The following BTG4 variants were observed in gnomAD, a reference collection of about 807,000 sequenced individuals.
BTG4 encodes protein BTG4.
In BTG4, 10 loss-of-function variants were observed where a neutral mutation model predicts 19.3. That is an observed-to-expected ratio of 0.52 (90% confidence interval 0.32 to 0.88). The LOEUF (loss-of-function observed/expected upper bound fraction) is 0.88, where lower values mean the gene tolerates loss of function less well. BTG4 is among the 40% of genes least tolerant of loss of function. BTG4 has a pLI of 0.04. For synonymous variants in BTG4, 91 were observed against 95.7 expected, an observed-to-expected ratio of 0.95 and a Z score of 0.29; for missense variants, 238 against 281.9, an observed-to-expected ratio of 0.84 and a Z score of 1.11.
downstream of BTG4, among the ~76,000 whole-genome samples, chr11:111,494,545 C>T (rs974194881): frequency 1.3e-5 from 2 of 152,170 alleles, no homozygotes; most frequent in Non-Finnish European, 2.9e-5. Context: ...GCAGCCAAAA[C>T]AATTCTCACT....
chr11:111,442,546 C>CACACATA, the BTG4 span, among the ~76,000 whole-genome samples: 1 of 141,590 alleles, frequency 7.1e-6, no homozygotes, highest in African/African-American at 2.7e-5. Flanking sequence ...ACACACACAC[C>CACACATA]AGATGAGCCT....
At chr11:111,425,399 A>G in the BTG4 span, among the ~76,000 whole-genome samples, 140,031 of 152,064 alleles carry the variant, frequency 0.92, 64,820 homozygotes, top group East Asian at 1. Flanking sequence ...CCAAGGATAC[A>G]GTCGAAAAAG....
chr11:111,395,504 C>T, the BTG4 span, among the ~76,000 whole-genome samples: 91 of 152,336 alleles, frequency 6.0e-4, no homozygotes, highest in African/African-American at 2.1e-3. Flanking sequence ...GAGTCAGGGA[C>T]CTCCCCTATT....
At chr11:111,471,325 C>T (rs966049565) in intron 5 of BTG4, among the ~76,000 whole-genome samples, 1 of 152,198 alleles carries the variant, frequency 6.6e-6, no homozygotes, top group African/African-American at 2.4e-5. Context: ...CTATTAGTTA[C>T]TAAGGCAGAT....
At chr11:111,404,709 T>A in the BTG4 span, 1 of 455,706 alleles carries the variant, frequency 2.2e-6, no homozygotes, top group South Asian at 1.6e-5. Context: ...GTCCTTTTTC[T>A]TGGAATTGTT....
chr11:111,409,818 A>AG, the BTG4 span, among the ~76,000 whole-genome samples: 1 of 151,608 alleles, frequency 6.6e-6, no homozygotes, highest in Non-Finnish European at 1.5e-5. Context: ...GTGCTATAGT[A>AG]GGAAAAAAAG....
chr11:111,448,961 T>C, the BTG4 span, among the ~76,000 whole-genome samples: 1 of 152,300 alleles, frequency 6.6e-6, no homozygotes, highest in Non-Finnish European at 1.5e-5. Flanking sequence ...TGGCTCGCCT[T>C]CTCCAAGAAA....
chr11:111,394,459 T>C, the BTG4 span, among the ~76,000 whole-genome samples: 4 of 152,350 alleles, frequency 2.6e-5, no homozygotes, highest in East Asian at 7.7e-4. Context: ...TGCTTAGTTC[T>C]CATTCTCTCT....
chr11:111,438,748 T>C, the BTG4 span, among the ~76,000 whole-genome samples: 1 of 152,200 alleles, frequency 6.6e-6, no homozygotes, highest in Non-Finnish European at 1.5e-5. Context: ...CTCATCTCCT[T>C]GGTGACCCCA....
At chr11:111,428,638 C>T in the BTG4 span, among the ~76,000 whole-genome samples, 1 of 152,224 alleles carries the variant, frequency 6.6e-6, no homozygotes, top group African/African-American at 2.4e-5. Context: ...GGACACAAAG[C>T]TCAATGTTAG....
the BTG4 span, chr11:111,385,315 C>A: frequency 6.6e-6 from 1 of 151,966 alleles, no homozygotes; most frequent in Admixed American, 6.6e-5. Flanking sequence ...AATAAGTTGG[C>A]AGGATAGGTT....
chr11:111,436,827 G>A, the BTG4 span, among the ~76,000 whole-genome samples: 2 of 152,040 alleles, frequency 1.3e-5, no homozygotes, highest in African/African-American at 2.4e-5. Flanking sequence ...GCCCTCGAGC[G>A]AGCGCCGTTT....
chr11:111,488,760 A>G (rs1460723908), intron 5 of BTG4, among the ~76,000 whole-genome samples: 1 of 152,160 alleles, frequency 6.6e-6, no homozygotes, highest in Admixed American at 6.5e-5. Context: ...AAAAAAATTC[A>G]ATTTTTTTGG....
chr11:111,488,174 G>GA (rs555291371), intron 5 of BTG4, among the ~76,000 whole-genome samples: 259 of 152,252 alleles, frequency 1.7e-3, no homozygotes, highest in African/African-American at 5.9e-3. Flanking sequence ...GAGCAAAACT[G>GA]AAGGAATTAT....
chr11:111,391,537 C>T, the BTG4 span, among the ~76,000 whole-genome samples: 1 of 152,164 alleles, frequency 6.6e-6, no homozygotes, highest in Non-Finnish European at 1.5e-5. Context: ...CGCCATCCTA[C>T]AGGCCTGGGC....
the BTG4 span, among the ~76,000 whole-genome samples, chr11:111,423,042 C>T: frequency 1.4e-4 from 22 of 152,254 alleles, no homozygotes; most frequent in Admixed American, 3.9e-4. Context: ...AGGTGGGGAC[C>T]CTGTAGCCAG....
chr11:111,473,498 G>A (rs542773046), intron 5 of BTG4: 254 of 152,372 alleles, frequency 1.7e-3, no homozygotes, highest in African/African-American at 6.0e-3. Flanking sequence ...TATTGTGTTT[G>A]GACCATATTT....
At chr11:111,410,445 G>A in the BTG4 span, among the ~76,000 whole-genome samples, 1 of 152,126 alleles carries the variant, frequency 6.6e-6, no homozygotes, top group South Asian at 2.1e-4. Context: ...TCAAAGATGG[G>A]TTTTCTTTCA....
intron 5 of BTG4, among the ~76,000 whole-genome samples, chr11:111,472,202 T>G (rs1434162087): frequency 6.6e-6 from 1 of 152,144 alleles, no homozygotes; most frequent in Non-Finnish European, 1.5e-5. Context: ...CCAAATAATA[T>G]TGTCATGAGG....
Sources: allele counts gnomAD v4.1 joint callset (sites outside exome capture counted in the v4.1 genomes callset), GRCh38; gene constraint gnomAD v4.1.1; transcripts MANE v1.5; gene names NCBI Gene and HGNC (gene_info 2026-07-23, HGNC 2026-07-21).